Variants in INPP5F observed in about 807,000 individuals in gnomAD.
INPP5F encodes inositol polyphosphate-5-phosphatase F, also known as phosphatidylinositide 4-phosphatase SAC2.
Under a neutral mutation model 137.2 loss-of-function variants are expected in INPP5F, and 97 were observed. The observed-to-expected ratio is 0.71, with a 90% CI of 0.60 to 0.84. INPP5F has a LOEUF of 0.84. INPP5F is among the 40% of genes least tolerant of loss of function. INPP5F has a pLI of 0.00. For missense variants in INPP5F, 1,271 were observed against 1,371.9 expected (o/e 0.93, Z 1.16); for synonymous variants, 504 against 476.9 (o/e 1.06, Z -0.74).
At chr10:119,811,518 G>T (rs147807168) in intron 14 of INPP5F, among the ~76,000 whole-genome samples, 120 of 152,184 alleles carry the variant, frequency 7.9e-4, no homozygotes, top group African/African-American at 2.8e-3. Flanking sequence ...TTTTGTGATG[G>T]TGCCCTTTGA....
At chr10:119,795,259 A>ACC (rs552193173) in intron 6 of INPP5F, among the ~76,000 whole-genome samples, 8 of 145,516 alleles carry the variant, frequency 5.5e-5, no homozygotes, top group South Asian at 4.4e-4. Context: ...CGGGGGGCTG[A>ACC]CCCCCCTACC....
At chr10:119,759,994 G>A (rs929200109) in intron 2 of INPP5F, among the ~76,000 whole-genome samples, 6 of 152,068 alleles carry the variant, frequency 3.9e-5, no homozygotes, top group South Asian at 2.1e-4. Context: ...TCCACCTCCC[G>A]GGTAGAAGTG....
chr10:119,779,211 T>C (rs1249613410), intron 2 of INPP5F, among the ~76,000 whole-genome samples: 1 of 152,092 alleles, frequency 6.6e-6, no homozygotes, highest in Non-Finnish European at 1.5e-5. Context: ...ACAAAAGATA[T>C]GGTATGAAAG....
chr10:119,803,052 C>T (rs935351268), intron 9 of INPP5F, among the ~76,000 whole-genome samples: 5 of 151,836 alleles, frequency 3.3e-5, no homozygotes. Flanking sequence ...TATCCTTTAC[C>T]ATTTTTTTCC....
rs1413626828 is a variant in INPP5F at position 119,810,159 on chromosome 10, C to T, written c.1629C>T (p.Asn543=). The change falls in exon 14 of 20, where the codon AAC becomes AAT. Residue 543 remains asparagine (N), a synonymous_variant. Coordinates refer to ENST00000650623, the MANE Select transcript of INPP5F (RefSeq NM_014937.4). ...CAGGAGTTATGAAAGATGGAGTGAACTCAGCAAACAGATATTACCTCAACC... is the reference window on the plus strand; with the variant it reads ...CAGGAGTTATGAAAGATGGAGTGAATTCAGCAAACAGATATTACCTCAACC... ...KLAGVMKDGV[N]SANRYYLNRF... is the part of the protein sequence containing the mutation. 6.2e-7 allele frequency: 1 copy of T among 1,613,348 alleles called. No homozygotes were observed. The highest frequency in any genetic ancestry group is 8.5e-7 in the Non-Finnish European group (1 of 1,179,442).
At chr10:119,805,543 T>C (rs1850745535) in intron 11 of INPP5F, 82 bp downstream of exon 11, 4 of 938,496 alleles carry the variant, frequency 4.3e-6, no homozygotes. Flanking sequence ...GATAGCAGCA[T>C]GCAGAGACAG....
intron 2 of INPP5F, among the ~76,000 whole-genome samples, chr10:119,777,983 T>C (rs571692051): frequency 4.6e-5 from 7 of 152,188 alleles, no homozygotes; most frequent in African/African-American, 1.7e-4. Context: ...AATGAAAATA[T>C]TATATATCCT....
At chr10:119,755,618 C>T (rs1008458673) in intron 2 of INPP5F, among the ~76,000 whole-genome samples, 2 of 152,098 alleles carry the variant, frequency 1.3e-5, no homozygotes. Context: ...AAAAAGAATT[C>T]CTTCTAGTCT....
rs570496707 is a variant in INPP5F, at chr10:119,788,904, A to G, written c.316-2613A>G. Among the ~76,000 whole-genome samples the G allele has an allele frequency of 1.1e-3, 169 of 152,180 alleles. 1 individual carries two copies. Among genetic ancestry groups the G allele is most frequent in the African/African-American group, 3.7e-3 (152 of 41,518 alleles). On this transcript the variant is annotated intron_variant, in intron 3 of 19. Coordinates refer to ENST00000650623, the MANE Select transcript of INPP5F (RefSeq NM_014937.4). ...ACCTTTGATAGATTCCTGGGGGGAA[A>G]TTTTTGCTGGCTTGAGTGCTCTTAA...
At chr10:119,762,334 T>C (rs1445731028) in intron 2 of INPP5F, among the ~76,000 whole-genome samples, 1 of 152,182 alleles carries the variant, frequency 6.6e-6, no homozygotes, top group East Asian at 1.9e-4. Flanking sequence ...CTTTTATTCA[T>C]GGATGGCCTC....
chr10:119,759,340 A>G (rs1408445146), intron 2 of INPP5F, among the ~76,000 whole-genome samples: 1 of 151,500 alleles, frequency 6.6e-6, no homozygotes. Flanking sequence ...AGTCATTTTT[A>G]TGTTCATTTT....
intron 2 of INPP5F, among the ~76,000 whole-genome samples, chr10:119,760,424 C>T (rs2134140314): frequency 1.3e-5 from 2 of 152,176 alleles, no homozygotes; most frequent in East Asian, 3.9e-4. Context: ...GCACTCCAGC[C>T]TGGGCAACCT....
rs1254815752 is a variant in INPP5F at position 119,810,736 on chromosome 10, A to G, written c.1687+519A>G. ...TTTGGAAGAGGAAATGGAAGGATAG[A>G]TTGCCCAGTAGAATGTATGCATTGA... On this transcript the variant is annotated intron_variant, in intron 14 of 19. Transcript: ENST00000650623. Among the ~76,000 whole-genome samples the G allele has an allele frequency of 3.9e-5, 6 of 152,244 alleles. No homozygotes were observed. The East Asian group carries it at 5.8e-4, about 15-fold the overall frequency.
chr10:119,755,842 C>T (rs1848824469), intron 2 of INPP5F, among the ~76,000 whole-genome samples: 1 of 152,210 alleles, frequency 6.6e-6, no homozygotes, highest in African/African-American at 2.4e-5. Context: ...ATAAAACTCA[C>T]ATAAAGTGAG....
chr10:119,794,841 C>T (rs1380577456), intron 6 of INPP5F, among the ~76,000 whole-genome samples: 5 of 97,844 alleles, frequency 5.1e-5, no homozygotes, highest in East Asian at 2.7e-4. Flanking sequence ...GCTGGCCGGG[C>T]GGGGGTCTGA....
chr10:119,755,679 C>T (rs1848819577), intron 2 of INPP5F, among the ~76,000 whole-genome samples: 1 of 152,152 alleles, frequency 6.6e-6, no homozygotes, highest in Non-Finnish European at 1.5e-5. Flanking sequence ...ATAGGCCAGT[C>T]CTCAAGTATC....
At chr10:119,771,160 TC>T (rs1410210879) in intron 2 of INPP5F, among the ~76,000 whole-genome samples, 1 of 152,214 alleles carries the variant, frequency 6.6e-6, no homozygotes, top group African/African-American at 2.4e-5. Flanking sequence ...ACCTTCTGTC[TC>T]TAGGGATTTT....
At chr10:119,784,359 T>A (rs1849806740) in intron 3 of INPP5F, among the ~76,000 whole-genome samples, 2 of 152,244 alleles carry the variant, frequency 1.3e-5, no homozygotes, top group African/African-American at 4.8e-5. Flanking sequence ...TTCAGAATAG[T>A]TTCTCTGTTT....
intron 12 of INPP5F, among the ~76,000 whole-genome samples, chr10:119,807,362 G>C (rs945240773): frequency 6.6e-6 from 1 of 152,188 alleles, no homozygotes; most frequent in Admixed American, 6.5e-5. Flanking sequence ...CTTATGTACA[G>C]TGTTTAAGCA....
Sources: gnomAD v4.1 joint callset for allele counts (sites outside exome capture counted in the v4.1 genomes callset) on GRCh38, gnomAD v4.1.1 for gene constraint, MANE v1.5 for transcripts, NCBI Gene and HGNC (gene_info 2026-07-23, HGNC 2026-07-21) for gene names.